SLC24A2: variants seen among roughly 807,000 people sequenced by gnomAD.
SLC24A2 encodes the protein solute carrier family 24 member 2.
SLC24A2 carries 36 observed loss-of-function variants against 62.0 expected under a neutral mutation model. That is an observed-to-expected ratio of 0.58 (90% CI 0.44 to 0.77). The LOEUF (loss-of-function observed/expected upper bound fraction) is 0.77, where lower values mean the gene tolerates loss of function less well. SLC24A2 is among the 30% of genes least tolerant of loss of function. The pLI, the probability that SLC24A2 is intolerant of heterozygous loss-of-function variation, is 0.00. For missense variants in SLC24A2, 846 were observed against 817.9 expected (o/e 1.03, Z -0.42); for synonymous variants, 358 against 294.0 (o/e 1.22, Z -2.23).
intron 2 of SLC24A2, 77 bp downstream of exon 2, chr9:19,785,860 A>G: frequency 1.3e-6 from 2 of 1,587,010 alleles, no homozygotes; most frequent in Non-Finnish European, 1.7e-6. Context: ...ACATCAAAAG[A>G]ACTGCAGATC....
At chr9:19,868,661 ATATATT>A in the SLC24A2 span, among the ~76,000 whole-genome samples, 1 of 151,972 alleles carries the variant, frequency 6.6e-6, no homozygotes, top group Admixed American at 6.6e-5. Flanking sequence ...TTAGTCGTGT[ATATATT>A]TATAATTGCT....
At chr9:20,076,083 T>A in the SLC24A2 span, among the ~76,000 whole-genome samples, 1 of 152,206 alleles carries the variant, frequency 6.6e-6, no homozygotes, top group Non-Finnish European at 1.5e-5. Flanking sequence ...TCCGTACAGA[T>A]GCAATCATTC....
At chr9:19,572,265 A>C (rs1257309138) in intron 7 of SLC24A2, among the ~76,000 whole-genome samples, 1 of 151,172 alleles carries the variant, frequency 6.6e-6, no homozygotes, top group Non-Finnish European at 1.5e-5. Flanking sequence ...GTCTCAAAAA[A>C]AAAAAAAAAA....
At chr9:19,925,893 A>G in the SLC24A2 span, among the ~76,000 whole-genome samples, 15 of 152,360 alleles carry the variant, frequency 9.8e-5, no homozygotes, top group African/African-American at 3.6e-4. Flanking sequence ...TCCTTTTTAA[A>G]GAAATTGCTA....
the SLC24A2 span, among the ~76,000 whole-genome samples, chr9:20,106,784 G>A: frequency 6.6e-6 from 1 of 152,064 alleles, no homozygotes; most frequent in African/African-American, 2.4e-5. Flanking sequence ...TTTGAAAACT[G>A]GCACAAGACA....
chr9:20,046,478 T>C, the SLC24A2 span, among the ~76,000 whole-genome samples: 1 of 152,222 alleles, frequency 6.6e-6, no homozygotes, highest in Non-Finnish European at 1.5e-5. Context: ...GAAATGCAAA[T>C]TGAGTTCATC....
the SLC24A2 span, among the ~76,000 whole-genome samples, chr9:19,988,837 C>A: frequency 1.3e-5 from 2 of 152,130 alleles, no homozygotes; most frequent in Non-Finnish European, 2.9e-5. Context: ...CCCTTTCACT[C>A]CAGATCTAAG....
the SLC24A2 span, among the ~76,000 whole-genome samples, chr9:20,270,862 C>T: frequency 3.3e-5 from 5 of 152,244 alleles, no homozygotes; most frequent in Middle Eastern, 3.4e-3. Flanking sequence ...TTTCAGAAAG[C>T]ATTTAGAATT....
chr9:20,066,213 AAAT>A, the SLC24A2 span, among the ~76,000 whole-genome samples: 1 of 152,220 alleles, frequency 6.6e-6, no homozygotes, highest in East Asian at 1.9e-4. Flanking sequence ...ATTCAACAAA[AAAT>A]AATAAAAAAC....
the SLC24A2 span, among the ~76,000 whole-genome samples, chr9:20,165,154 T>C: frequency 1.3e-5 from 2 of 151,712 alleles, no homozygotes; most frequent in Admixed American, 6.6e-5. Flanking sequence ...AAAAGAAAGA[T>C]ATGAAAATAA....
chr9:19,728,066 G>A (rs1564066648), intron 2 of SLC24A2, among the ~76,000 whole-genome samples: 1 of 152,162 alleles, frequency 6.6e-6, no homozygotes, highest in Non-Finnish European at 1.5e-5. Context: ...GGGACTGGGA[G>A]TGGGATTAGG....
the SLC24A2 span, among the ~76,000 whole-genome samples, chr9:20,177,448 G>A: frequency 6.6e-6 from 1 of 152,008 alleles, no homozygotes; most frequent in Non-Finnish European, 1.5e-5. Context: ...TACTCTACAG[G>A]CTGAGGTCAG....
At chr9:19,640,678 G>C (rs904848243) in intron 2 of SLC24A2, among the ~76,000 whole-genome samples, 8 of 152,168 alleles carry the variant, frequency 5.3e-5, no homozygotes, top group African/African-American at 1.9e-4. Context: ...TTTAAGTAAA[G>C]ACAGCTCTTA....
At chr9:19,706,760 G>C (rs1431456832) in intron 2 of SLC24A2, among the ~76,000 whole-genome samples, 2 of 152,304 alleles carry the variant, frequency 1.3e-5, no homozygotes, top group East Asian at 3.9e-4. Context: ...AAAGCAGTGT[G>C]TAGAGGGAAA....
the SLC24A2 span, among the ~76,000 whole-genome samples, chr9:19,984,805 G>A: frequency 6.6e-6 from 1 of 152,066 alleles, no homozygotes; most frequent in African/African-American, 2.4e-5. Context: ...TTTAACAAAT[G>A]GTCCTGGGAC....
Position 19,723,479 on chromosome 9 carries a change from G to T in SLC24A2, c.930+62458C>A, listed in dbSNP as rs145492778. Among the ~76,000 whole-genome samples the T allele has an allele frequency of 4.2e-3, 637 of 152,154 alleles. 6 individuals carry two copies. Among genetic ancestry groups the T allele is most frequent in the Non-Finnish European group, 7.4e-3 (501 of 67,986 alleles). ...ATATTCCATTTAATTTACAGTCAAG[G>T]TTCCCCACCAAACCGTCTTAAGCCA... On this transcript the variant is annotated intron_variant, in intron 2 of 10. Coordinates refer to ENST00000341998, the MANE Select transcript of SLC24A2 (RefSeq NM_020344.4).
chr9:20,219,668 G>A, the SLC24A2 span, among the ~76,000 whole-genome samples: 1 of 152,124 alleles, frequency 6.6e-6, no homozygotes. Flanking sequence ...AATTAACTCA[G>A]AACACTTGTA....
At chr9:20,208,893 G>T in the SLC24A2 span, among the ~76,000 whole-genome samples, 4 of 152,324 alleles carry the variant, frequency 2.6e-5, no homozygotes, top group African/African-American at 9.6e-5. Flanking sequence ...TTGGACATGG[G>T]GAGCAAGGAA....
At chr9:20,116,291 G>C in the SLC24A2 span, among the ~76,000 whole-genome samples, 2 of 152,066 alleles carry the variant, frequency 1.3e-5, no homozygotes, top group Non-Finnish European at 2.9e-5. Context: ...TTTGCTGTCT[G>C]CTTAGGTCCT....
Sources: gnomAD v4.1 joint callset for allele counts (sites outside exome capture counted in the v4.1 genomes callset) on GRCh38, gnomAD v4.1.1 for gene constraint, MANE v1.5 for transcripts, NCBI Gene and HGNC (gene_info 2026-07-23, HGNC 2026-07-21) for gene names.